WDR70: variants seen among roughly 807,000 people sequenced by gnomAD.
WDR70 encodes WD repeat-containing protein 70.
A neutral mutation model predicts 88.6 loss-of-function variants in WDR70; 53 were observed. That is an observed-to-expected ratio of 0.60 (90% CI 0.48 to 0.75). The LOEUF (loss-of-function observed/expected upper bound fraction) is 0.75, where lower values mean the gene tolerates loss of function less well. Among genes scored for constraint, WDR70 ranks in the 30% least tolerant of loss-of-function variants. The pLI is 0.00. For synonymous variants in WDR70, 280 were observed against 270.0 expected, an observed-to-expected ratio of 1.04 and a Z score of -0.36; for missense variants, 610 against 823.2, an observed-to-expected ratio of 0.74 and a Z score of 3.17.
At chr5:37,662,951 A>C (rs1745740447) in intron 10 of WDR70, among the ~76,000 whole-genome samples, 1 of 152,190 alleles carries the variant, frequency 6.6e-6, no homozygotes, top group East Asian at 1.9e-4. Context: ...TTACAGTGTA[A>C]TCTTCTTGAA....
At chr5:37,618,369 T>C (rs1744406231) in intron 10 of WDR70, among the ~76,000 whole-genome samples, 1 of 152,184 alleles carries the variant, frequency 6.6e-6, no homozygotes. Flanking sequence ...AGCAAGATTT[T>C]ATTTGTTTGT....
chr5:37,521,598 C>A (rs1741090495), intron 9 of WDR70, among the ~76,000 whole-genome samples: 1 of 152,088 alleles, frequency 6.6e-6, no homozygotes, highest in Non-Finnish European at 1.5e-5. Flanking sequence ...GTTTGGTTTT[C>A]CATTCCTGAG....
chr5:37,603,225 C>T (rs1216790964), intron 9 of WDR70, among the ~76,000 whole-genome samples: 1 of 151,692 alleles, frequency 6.6e-6, no homozygotes, highest in Non-Finnish European at 1.5e-5. Context: ...AAGCTGGAGA[C>T]ATCACATCAC....
At chr5:37,704,588 A>G (rs7734593) in intron 13 of WDR70, among the ~76,000 whole-genome samples, 13,004 of 152,104 alleles carry the variant, frequency 0.085, 1,767 homozygotes, top group African/African-American at 0.29. Context: ...CATATATTGT[A>G]TATTTGTTTG....
rs917458475 is a variant in WDR70 at position 37,516,501 on chromosome 5, C to G, written c.841-13C>G. 2.8e-5 allele frequency: 44 copies of G among 1,547,382 alleles called. No individual in the cohort carries two copies. The highest frequency in any genetic ancestry group is 3.9e-5 in the Non-Finnish European group (44 of 1,134,908). The stretch of plus-strand genomic sequence containing the variant: ...TAAAACATCTTTTTTTCCCCTTTGT[C>G]TTTATTTTTAAGGGTCATACAGCAA... On this transcript the variant is annotated splice_polypyrimidine_tract_variant and intron_variant, in intron 8 of 17. Coordinates refer to ENST00000265107, the MANE Select transcript of WDR70 (RefSeq NM_018034.4).
intron 10 of WDR70, among the ~76,000 whole-genome samples, chr5:37,659,930 G>A (rs557934399): frequency 9.9e-5 from 15 of 152,274 alleles, no homozygotes; most frequent in African/African-American, 3.4e-4. Context: ...CAAGCATTCA[G>A]TTCATAACAC....
chr5:37,745,254 A>G (rs1748602223), intron 17 of WDR70, among the ~76,000 whole-genome samples: 1 of 151,956 alleles, frequency 6.6e-6, no homozygotes, highest in Non-Finnish European at 1.5e-5. Flanking sequence ...CGAGGCCTGC[A>G]CTGCAAGAGC....
At chr5:37,583,276 G>C (rs767603900) in intron 9 of WDR70, among the ~76,000 whole-genome samples, 1 of 151,894 alleles carries the variant, frequency 6.6e-6, no homozygotes, top group Non-Finnish European at 1.5e-5. Context: ...AATACAAAAA[G>C]TTAGCCAGGC....
intron 9 of WDR70, among the ~76,000 whole-genome samples, chr5:37,558,804 T>G (rs542239467): frequency 1.6e-4 from 24 of 152,358 alleles, no homozygotes; most frequent in Admixed American, 3.9e-4. Flanking sequence ...CATTTTCAAG[T>G]TAGTAAGCCT....
intron 5 of WDR70, among the ~76,000 whole-genome samples, chr5:37,424,848 C>T (rs1750072360): frequency 6.6e-6 from 1 of 151,822 alleles, no homozygotes; most frequent in Non-Finnish European, 1.5e-5. Context: ...TTATATGTGC[C>T]TACTATAAGC....
intron 17 of WDR70, among the ~76,000 whole-genome samples, chr5:37,747,523 G>A (rs1748668082): frequency 6.6e-6 from 1 of 152,156 alleles, no homozygotes; most frequent in Admixed American, 6.5e-5. Context: ...AGCTATTTAT[G>A]ACAAACCCAC....
intron 9 of WDR70, among the ~76,000 whole-genome samples, chr5:37,599,698 C>T (rs1743805889): frequency 6.6e-6 from 1 of 151,962 alleles, no homozygotes; most frequent in Non-Finnish European, 1.5e-5. Context: ...TTGAGACCAG[C>T]CTGGCCAGCA....
intron 2 of WDR70, among the ~76,000 whole-genome samples, chr5:37,381,371 G>C (rs1226920418): frequency 1.3e-5 from 2 of 152,178 alleles, no homozygotes; most frequent in African/African-American, 2.4e-5. Context: ...GTTTCATAGG[G>C]TAGGGATCTA....
At chr5:37,683,303 TG>T (rs1333452601) in intron 10 of WDR70, among the ~76,000 whole-genome samples, 1 of 152,176 alleles carries the variant, frequency 6.6e-6, no homozygotes, top group Non-Finnish European at 1.5e-5. Flanking sequence ...GCCTTTTAAT[TG>T]GGGCATTTTG....
chr5:37,557,958 T>TCTTTTGAAAACTCTTCAAAAGAGAA (rs1742357179), intron 9 of WDR70, among the ~76,000 whole-genome samples: 1 of 6,906 alleles, frequency 1.4e-4, no homozygotes, highest in South Asian at 4.3e-3. Context: ...CAAAAGAGTA[T>TCTTTTGAAAACTCTTCAAAAGAGAA]TATGTATATT....
At chr5:37,416,649 G>A (rs940249157) in intron 5 of WDR70, among the ~76,000 whole-genome samples, 3 of 150,712 alleles carry the variant, frequency 2.0e-5, no homozygotes, top group Non-Finnish European at 4.4e-5. Flanking sequence ...GGGTGATATC[G>A]GCTCACTGCA....
chr5:37,589,570 G>A (rs892959682), intron 9 of WDR70, among the ~76,000 whole-genome samples: 1 of 151,866 alleles, frequency 6.6e-6, no homozygotes, highest in African/African-American at 2.4e-5. Flanking sequence ...TTTTCTTGCT[G>A]CTTATTTATT....
At chr5:37,727,696 C>T (rs1327865398) in intron 17 of WDR70, among the ~76,000 whole-genome samples, 2 of 152,076 alleles carry the variant, frequency 1.3e-5, no homozygotes, top group Non-Finnish European at 2.9e-5. Flanking sequence ...CTTCCTCAGC[C>T]TCCTGGGTAG....
intron 3 of WDR70, among the ~76,000 whole-genome samples, chr5:37,384,007 A>G (rs889205106): frequency 1.3e-5 from 2 of 152,156 alleles, no homozygotes; most frequent in African/African-American, 4.8e-5. Flanking sequence ...CCCCTTTCAG[A>G]TGATTTCGAA....
Sources: allele counts gnomAD v4.1 joint callset (sites outside exome capture counted in the v4.1 genomes callset), GRCh38; gene constraint gnomAD v4.1.1; transcripts MANE v1.5; gene names NCBI Gene and HGNC (gene_info 2026-07-23, HGNC 2026-07-21).